HTR1D: variants seen among roughly 807,000 people sequenced by gnomAD.
The protein encoded by HTR1D is 5-hydroxytryptamine receptor 1D.
A neutral mutation model predicts 21.1 loss-of-function variants in HTR1D; 18 were observed. The ratio of observed to expected loss-of-function variants is 0.85; its 90% CI spans 0.59 to 1.27. The LOEUF (loss-of-function observed/expected upper bound fraction) is 1.27, where lower values mean the gene tolerates loss of function less well. HTR1D is among the 50% of genes most tolerant of loss of function. The probability of loss-of-function intolerance (pLI) is 0.00; values close to 1 mark genes in which losing one functional copy is unlikely to be tolerated. For synonymous variants in HTR1D, 196 were observed against 204.4 expected (o/e 0.96, Z 0.35); for missense variants, 456 against 481.4 (o/e 0.95, Z 0.49).
intron 1 of HTR1D, among the ~76,000 whole-genome samples, chr1:23,203,706 C>A (rs1457326479): frequency 6.6e-6 from 1 of 152,056 alleles, no homozygotes; most frequent in Non-Finnish European, 1.5e-5. Context: ...AAAAAGTCAC[C>A]AAACTTCCAG....
intron 1 of HTR1D, among the ~76,000 whole-genome samples, chr1:23,196,442 CAA>C (rs560936417): frequency 2.0e-4 from 24 of 118,390 alleles, no homozygotes; most frequent in Admixed American, 2.6e-4. Flanking sequence ...GAAACTCTGC[CAA>C]AAAAAAAAAA....
In HTR1D at chr1:23,194,027, G is replaced by T. The variant is rs1557718419; in HGVS notation, c.193C>A (p.Leu65Ile). 6.2e-7 allele frequency: 1 copy of T among 1,614,178 alleles called. No individual in the cohort carries two copies. Among genetic ancestry groups the T allele is most frequent in the East Asian group, 2.2e-5 (1 of 44,880 alleles). ...SNAFVLTTIL[L>I]TRKLHTPANY... is the part of the protein sequence containing the mutation. ...GCAGGGGTGTGGAGCTTCCTGGTGAGTAAGATGGTGGTGAGTACAAAGGCA... is the reference window on the plus strand; with the variant it reads ...GCAGGGGTGTGGAGCTTCCTGGTGATTAAGATGGTGGTGAGTACAAAGGCA... The change falls in exon 2 of 2, where the codon CTC becomes ATC. Residue 65 changes from leucine (L) to isoleucine (I), a missense_variant. By Grantham distance (5) the Leu-to-Ile change is conservative. Transcript: ENST00000374619.
At chr1:23,209,280 G>A (rs940779038) in intron 1 of HTR1D, among the ~76,000 whole-genome samples, 4 of 152,280 alleles carry the variant, frequency 2.6e-5, no homozygotes, top group Admixed American at 6.5e-5. Flanking sequence ...GATTACAGGC[G>A]TGAGCTACCG....
At chr1:23,208,431 C>T (rs1042212221) in intron 1 of HTR1D, among the ~76,000 whole-genome samples, 2 of 152,008 alleles carry the variant, frequency 1.3e-5, no homozygotes, top group Non-Finnish European at 2.9e-5. Context: ...AGTAGCTGGG[C>T]ATGGAGGCAC....
intron 1 of HTR1D, among the ~76,000 whole-genome samples, chr1:23,211,883 T>C (rs1383839073): frequency 6.6e-6 from 1 of 151,922 alleles, no homozygotes; most frequent in Non-Finnish European, 1.5e-5. Flanking sequence ...AGGCTGATCT[T>C]GAACTCCTAA....
intron 1 of HTR1D, among the ~76,000 whole-genome samples, chr1:23,195,598 C>A (rs185132379): frequency 1.3e-4 from 20 of 152,216 alleles, no homozygotes; most frequent in Admixed American, 1.3e-3. Flanking sequence ...GCCATCACGC[C>A]CAACTAATTT....
intron 1 of HTR1D, among the ~76,000 whole-genome samples, chr1:23,205,997 CT>C (rs1316709229): frequency 6.6e-6 from 1 of 152,152 alleles, no homozygotes; most frequent in Non-Finnish European, 1.5e-5. Flanking sequence ...GCCTCTACCC[CT>C]GGCTCCTCTC....
In HTR1D at chr1:23,193,651, A is replaced by G. The variant is rs766487683; in HGVS notation, c.569T>C (p.Val190Ala). Residue 190 changes from valine to alanine, a missense_variant, in exon 2 of 2, where the codon GTG (valine) becomes GCG (alanine). By Grantham distance (64) the Val-to-Ala change is moderately conservative. Coordinates refer to ENST00000374619, the MANE Select transcript of HTR1D (RefSeq NM_000864.5). ...GGTGTAGGAGATCTGAGAGGTGTTC[A>G]CCAGACAGTCCGACATCTCCTCCTG... ...KAQEEMSDCL[V>A]NTSQISYTIY... is the part of the protein sequence containing the mutation. The G allele has an allele frequency of 1.9e-6, 3 of 1,613,604 alleles. No homozygotes were observed. Among genetic ancestry groups the G allele is most frequent in the Non-Finnish European group, 2.5e-6 (3 of 1,179,736 alleles).
At chr1:23,206,537 T>A (rs889524674) in intron 1 of HTR1D, among the ~76,000 whole-genome samples, 1 of 152,204 alleles carries the variant, frequency 6.6e-6, no homozygotes, top group African/African-American at 2.4e-5. Context: ...TGCCTGTTCT[T>A]CTGCCAGTAC....
intron 1 of HTR1D, among the ~76,000 whole-genome samples, chr1:23,200,002 G>A (rs113890234): frequency 8.6e-4 from 131 of 152,270 alleles, no homozygotes; most frequent in African/African-American, 3.0e-3. Context: ...CACCGTGCTC[G>A]GTAGTATATG....
Position 23,193,833 on chromosome 1 carries a change from G to A in HTR1D, c.387C>T (p.Leu129=). 6.2e-7 allele frequency: 1 copy of A among 1,614,252 alleles called. No individual in the cohort carries two copies. Among genetic ancestry groups the A allele is most frequent in the East Asian group, 2.2e-5 (1 of 44,892 alleles). Reference sequence around the variant, plus strand: ...AGTACCTGTCCAGAGCAATGACACAGAGATGCAGGATGGAGGCTGTGCAGC... The same window carrying A: ...AGTACCTGTCCAGAGCAATGACACAAAGATGCAGGATGGAGGCTGTGCAGC... ...ITCCTASILH[L]CVIALDRYWA... is the part of the protein sequence containing the mutation. The change falls in exon 2 of 2, where the codon CTC becomes CTT. Residue 129 remains leucine (L), a synonymous_variant. Transcript: ENST00000374619.
Position 23,193,206 on chromosome 1 carries a change from A to G in HTR1D, c.1014T>C (p.Phe338=), listed in dbSNP as rs374299882. 1.2e-6 allele frequency: 2 copies of G among 1,614,080 alleles called. No homozygotes were observed. Among genetic ancestry groups the G allele is most frequent in the Non-Finnish European group, 1.7e-6 (2 of 1,179,994 alleles). The change falls in exon 2 of 2, where the codon TTT becomes TTC. Residue 338 remains phenylalanine (F), a synonymous_variant. Transcript: ENST00000374619. The part of the protein sequence containing the change: ...RDSCWIHPAL[F]DFFTWLGYLN... ...AATAGCCTAGCCAGGTGAAGAAGTC[A>G]AAGAGCGCCGGGTGGATCCAGCAGG...
chr1:23,196,234 C>T (rs1644688275), intron 1 of HTR1D, among the ~76,000 whole-genome samples: 1 of 151,984 alleles, frequency 6.6e-6, no homozygotes, highest in East Asian at 1.9e-4. Flanking sequence ...CACCTGAGGT[C>T]GGGAGTTCGA....
intron 1 of HTR1D, among the ~76,000 whole-genome samples, chr1:23,195,628 G>T (rs1644685793): frequency 6.6e-6 from 1 of 152,006 alleles, no homozygotes; most frequent in Admixed American, 6.6e-5. Context: ...TAGTAGAGAT[G>T]GGGTTTCACC....
intron 1 of HTR1D, among the ~76,000 whole-genome samples, chr1:23,214,964 G>A (rs1215530341): frequency 2.0e-5 from 3 of 152,130 alleles, no homozygotes; most frequent in African/African-American, 7.2e-5. Flanking sequence ...AGGAGCAGAG[G>A]GCCTGGGGGA....
rs7414010 is a variant in HTR1D at position 23,217,436 on chromosome 1, T to G, written c.-928A>C. Among the ~76,000 whole-genome samples the G allele has an allele frequency of 6.6e-6, 1 of 151,550 alleles. No homozygotes were observed. Among genetic ancestry groups the G allele is most frequent in the Non-Finnish European group, 1.5e-5 (1 of 67,808 alleles). ...CCCGCCCCGCCGCCCCGGGGCCCTTTCCGGCTCGCGCCCTCGCGATCCCGC... is the reference window on the plus strand; with the variant it reads ...CCCGCCCCGCCGCCCCGGGGCCCTTGCCGGCTCGCGCCCTCGCGATCCCGC... On this transcript the variant is annotated 5_prime_UTR_variant, in exon 1 of 2. Coordinates refer to ENST00000374619, the MANE Select transcript of HTR1D (RefSeq NM_000864.5). This position sits in a 1 kb window ranked among gnomAD's most constrained non-coding sequence, Gnocchi z 4.6.
At position 23,193,662 on chromosome 1, in the gene HTR1D, C is replaced by G; in HGVS notation, c.558G>C (p.Ser186=). Residue 186 remains serine, a synonymous_variant, in exon 2 of 2, where the codon TCG becomes TCC. Coordinates refer to ENST00000374619, the MANE Select transcript of HTR1D (RefSeq NM_000864.5). The part of the protein sequence containing the change: ...WRQAKAQEEM[S]DCLVNTSQIS... ...TCTGAGAGGTGTTCACCAGACAGTC[C>G]GACATCTCCTCCTGGGCCTTGGCCT... 1.2e-6 allele frequency: 2 copies of G among 1,613,268 alleles called. No homozygotes were observed. The highest frequency in any genetic ancestry group is 1.7e-6 in the Non-Finnish European group (2 of 1,179,552).
At position 23,194,739 on chromosome 1, in the gene HTR1D, T is replaced by G. The variant is rs1046707248; in HGVS notation, c.-520A>C. The G allele has an allele frequency of 2.4e-5, 4 of 166,648 alleles. No individual in the cohort carries two copies. The highest frequency in any genetic ancestry group is 4.4e-5 in the Non-Finnish European group (3 of 68,182). The allele number at this position is 166,648 out of a possible 1,614,324, so 10.3% of individuals were successfully genotyped here. ...ACGATTCTGGATTTAGGGTTGCTTC[T>G]GAGGAGCTTTTAAAACTAGACACAA... is the stretch of plus-strand genomic sequence containing the variant. On this transcript the variant is annotated 5_prime_UTR_variant, in exon 2 of 2. Transcript: ENST00000374619.
At chr1:23,203,151 G>A (rs889206888) in intron 1 of HTR1D, among the ~76,000 whole-genome samples, 2 of 151,916 alleles carry the variant, frequency 1.3e-5, no homozygotes, top group Non-Finnish European at 2.9e-5. Context: ...CCCCCACCTC[G>A]GCTTCCCAAA....
Sources: gnomAD v4.1 joint callset for allele counts (sites outside exome capture counted in the v4.1 genomes callset) on GRCh38, gnomAD v4.1.1 for gene constraint, Gnocchi (gnomAD v3.1) non-coding constraint, MANE v1.5 for transcripts, NCBI Gene and HGNC (gene_info 2026-07-23, HGNC 2026-07-21) for gene names.